KCNH1: variants seen among roughly 807,000 people sequenced by gnomAD.
KCNH1 encodes the protein voltage-gated delayed rectifier potassium channel KCNH1.
Under a neutral mutation model 69.2 loss-of-function variants are expected in KCNH1, and 27 were observed. The ratio of observed to expected loss-of-function variants is 0.39; its 90% CI spans 0.29 to 0.54. The LOEUF is 0.54. Ranked by LOEUF, KCNH1 falls within the 20% of genes least tolerant of loss-of-function variation. The pLI is 0.68. For missense variants in KCNH1, 798 were observed against 1,261.6 expected (o/e 0.63, Z 5.57); for synonymous variants, 456 against 487.7 (o/e 0.93, Z 0.86).
intron 7 of KCNH1, among the ~76,000 whole-genome samples, chr1:210,866,922 A>T (rs1210797527): frequency 6.6e-6 from 1 of 152,166 alleles, no homozygotes; most frequent in Non-Finnish European, 1.5e-5. Flanking sequence ...ATAAATTATT[A>T]TTCAGTAATA....
intron 9 of KCNH1, among the ~76,000 whole-genome samples, chr1:210,781,733 T>C (rs1188542185): frequency 6.6e-6 from 1 of 152,220 alleles, no homozygotes; most frequent in African/African-American, 2.4e-5. Flanking sequence ...CAGCCATGAC[T>C]AAGACAAAAA....
At chr1:210,877,806 C>A (rs1686410395) in intron 7 of KCNH1, among the ~76,000 whole-genome samples, 1 of 152,140 alleles carries the variant, frequency 6.6e-6, no homozygotes, top group Non-Finnish European at 1.5e-5. Context: ...CCTTGCCTAT[C>A]TTGCTCATCA....
chr1:211,113,999 C>CACAT (rs1473757163), intron 1 of KCNH1, among the ~76,000 whole-genome samples: 3 of 150,290 alleles, frequency 2.0e-5, no homozygotes, highest in Non-Finnish European at 4.5e-5. Flanking sequence ...CACACACACA[C>CACAT]ACACATACAC....
At chr1:211,121,102 G>T (rs370248654) in intron 1 of KCNH1, among the ~76,000 whole-genome samples, 3 of 152,246 alleles carry the variant, frequency 2.0e-5, no homozygotes, top group African/African-American at 7.2e-5. Flanking sequence ...TGGCCATACT[G>T]CCCAAAGTAA....
In KCNH1 at chr1:211,066,067, AT is replaced by A. The variant is rs200752345; in HGVS notation, c.558+16712del. 2.3e-3 allele frequency among the ~76,000 whole-genome samples: 355 copies of A among 151,792 alleles called. 3 individuals are homozygous for A. The highest frequency in any genetic ancestry group is 7.9e-3 in the African/African-American group (326 of 41,430). Reference sequence around the variant, plus strand: ...GAGTGAGCTCTTGTCTTAAAAAAAAATTTTTTTTTAATGTGGAAAAAGTACA... The same window carrying A: ...GAGTGAGCTCTTGTCTTAAAAAAAAATTTTTTTTAATGTGGAAAAAGTACA... On this transcript the variant is annotated intron_variant, in intron 5 of 10. Transcript: ENST00000271751.
intron 6 of KCNH1, among the ~76,000 whole-genome samples, chr1:210,980,186 A>G (rs1211789500): frequency 6.6e-6 from 1 of 152,200 alleles, no homozygotes; most frequent in Non-Finnish European, 1.5e-5. Context: ...CTAAGTGAGT[A>G]CAATATGAAA....
chr1:210,860,632 A>C lies in KCNH1; in HGVS notation c.1463-56466T>G, dbSNP rs1041098707. The C allele has an allele frequency of 6.3e-6, 5 of 796,172 alleles. No individual in the cohort carries two copies. The African/African-American group carries it at 8.4e-5, about 13-fold the overall frequency. 49.3% of individuals were successfully genotyped at this position (796,172 alleles called of 1,614,324 possible). A position where few individuals can be genotyped will look rare whatever the true frequency, so the allele number is the denominator to read the frequency against. On this transcript the variant is annotated intron_variant, in intron 7 of 10. Coordinates refer to ENST00000271751, the MANE Select transcript of KCNH1 (RefSeq NM_172362.3). ...AAGGTCATCATTTTCTGTTTCTGTT[A>C]TAATATGAAGAAGAGCCTGCATTAC... is the stretch of plus-strand genomic sequence containing the variant.
chr1:210,997,452 AG>A (rs1689072994), intron 6 of KCNH1, among the ~76,000 whole-genome samples: 1 of 152,206 alleles, frequency 6.6e-6, no homozygotes. Context: ...CGAGAAGGTA[AG>A]TTTAGAGAAA....
chr1:210,786,273 T>G (rs535220730), intron 9 of KCNH1, among the ~76,000 whole-genome samples: 4 of 152,196 alleles, frequency 2.6e-5, no homozygotes, highest in African/African-American at 9.7e-5. Context: ...GTTTAGCATT[T>G]TTATCTCTGA....
chr1:211,043,405 G>A (rs1690037375), intron 5 of KCNH1, among the ~76,000 whole-genome samples: 1 of 152,052 alleles, frequency 6.6e-6, no homozygotes, highest in African/African-American at 2.4e-5. Context: ...CCCAAATCAG[G>A]AAGAATTAGA....
At chr1:210,788,385 T>A (rs1684142969) in intron 9 of KCNH1, among the ~76,000 whole-genome samples, 1 of 152,210 alleles carries the variant, frequency 6.6e-6, no homozygotes, top group South Asian at 2.1e-4. Context: ...CAGTAAAACT[T>A]CTTCATATCA....
intron 6 of KCNH1, among the ~76,000 whole-genome samples, chr1:211,008,457 T>C (rs2102406009): frequency 6.6e-6 from 1 of 152,346 alleles, no homozygotes; most frequent in African/African-American, 2.4e-5. Flanking sequence ...TGCAGCATTA[T>C]ACAACTGAAA....
At chr1:210,825,139 G>A (rs1685009127) in intron 7 of KCNH1, among the ~76,000 whole-genome samples, 1 of 152,084 alleles carries the variant, frequency 6.6e-6, no homozygotes, top group Non-Finnish European at 1.5e-5. Context: ...TCAAGAAAAT[G>A]TTCTGCCAAA....
At chr1:211,045,270 G>A (rs1356802929) in intron 5 of KCNH1, among the ~76,000 whole-genome samples, 1 of 151,602 alleles carries the variant, frequency 6.6e-6, no homozygotes, top group Non-Finnish European at 1.5e-5. Context: ...TCCGGGGAAA[G>A]GGTGAAAAGG....
rs550181641 is a variant in KCNH1, at chr1:211,044,736, C to G, written c.559-25480G>C. On this transcript the variant is annotated intron_variant, in intron 5 of 10. Coordinates refer to ENST00000271751, the MANE Select transcript of KCNH1 (RefSeq NM_172362.3). ...TACCACCTTACTCCTGCAAGAATGG[C>G]CATAATCAAAAAATAGTAGATGTCA... Among the ~76,000 whole-genome samples, 5 of 151,800 alleles carry G rather than the reference C, an allele frequency of 3.3e-5. No homozygotes were observed. In the East Asian group the frequency reaches 7.7e-4, roughly 24 times the overall value.
chr1:210,772,378 A>G (rs1187380325), intron 10 of KCNH1, among the ~76,000 whole-genome samples: 1 of 152,216 alleles, frequency 6.6e-6, no homozygotes, highest in Non-Finnish European at 1.5e-5. Flanking sequence ...TTACTTTACC[A>G]GGAAAAAAAA....
chr1:210,903,428 T>C (rs368690701), intron 7 of KCNH1, among the ~76,000 whole-genome samples: 1 of 152,190 alleles, frequency 6.6e-6, no homozygotes. Flanking sequence ...GAAGGGCTCA[T>C]GGCCTCTTAA....
At chr1:211,046,949 A>G (rs1360397912) in intron 5 of KCNH1, among the ~76,000 whole-genome samples, 1 of 152,224 alleles carries the variant, frequency 6.6e-6, no homozygotes, top group Non-Finnish European at 1.5e-5. Flanking sequence ...TGAGTCTTAT[A>G]TGATTTAGCA....
intron 7 of KCNH1, among the ~76,000 whole-genome samples, chr1:210,879,380 C>T (rs1166102284): frequency 6.6e-6 from 1 of 151,726 alleles, no homozygotes; most frequent in African/African-American, 2.4e-5. Context: ...AAATTAAATC[C>T]AACAATGAAT....
Sources: gnomAD v4.1 joint callset for allele counts (sites outside exome capture counted in the v4.1 genomes callset) on GRCh38, gnomAD v4.1.1 for gene constraint, MANE v1.5 for transcripts, NCBI Gene and HGNC (gene_info 2026-07-23, HGNC 2026-07-21) for gene names.